The following RYR2 variants were observed in gnomAD, a reference collection of about 807,000 sequenced individuals.
RYR2 encodes the protein ryanodine receptor 2.
Under a neutral mutation model 601.1 loss-of-function variants are expected in RYR2, and 227 were observed. That is an observed-to-expected ratio of 0.38 (90% CI 0.34 to 0.42). RYR2 has a LOEUF of 0.42. Ranked by LOEUF, RYR2 falls within the 10% of genes least tolerant of loss-of-function variation. The probability of loss-of-function intolerance (pLI) is 1.00; values close to 1 mark genes in which losing one functional copy is unlikely to be tolerated. For synonymous variants in RYR2, 2,223 were observed against 2,175.1 expected (o/e 1.02, Z -0.61); for missense variants, 4,646 against 6,156.5 (o/e 0.75, Z 8.21).
At chr1:237,595,369 T>C (rs1369211905) in intron 33 of RYR2, 129 bp from the exon 34 acceptor site, 1 of 1,042,768 alleles carries the variant, frequency 9.6e-7, no homozygotes, top group Non-Finnish European at 1.4e-6. Context: ...ATCGGGCCTA[T>C]TGTGCACCTC....
intron 34 of RYR2, among the ~76,000 whole-genome samples, chr1:237,599,102 C>A (rs1361432682): frequency 6.6e-6 from 1 of 152,074 alleles, no homozygotes; most frequent in African/African-American, 2.4e-5. Context: ...AAAATCTGAG[C>A]AGATTAATAG....
At chr1:237,597,333 A>G (rs927741692) in intron 34 of RYR2, among the ~76,000 whole-genome samples, 3 of 149,830 alleles carry the variant, frequency 2.0e-5, no homozygotes, top group African/African-American at 7.4e-5. Flanking sequence ...CTCTGTTGCC[A>G]GGTAATGGTG....
chr1:237,308,720 G>A lies in RYR2; in HGVS notation c.169-22158G>A, dbSNP rs575327006. 6.6e-4 allele frequency among the ~76,000 whole-genome samples: 101 copies of A among 152,332 alleles called. No homozygotes were observed. The Middle Eastern group carries it at 0.01, about 15-fold the overall frequency. ...CATAAAAGCAGTGCAGACCCAAAGA[G>A]TGAGCAGCAGCAAGATTTACTGCAA... On this transcript the variant is annotated intron_variant, in intron 2 of 104. Transcript: ENST00000366574.
intron 1 of RYR2, among the ~76,000 whole-genome samples, chr1:237,204,673 G>T (rs996504800): frequency 6.6e-6 from 1 of 152,076 alleles, no homozygotes; most frequent in African/African-American, 2.4e-5. Context: ...CTTTATATTG[G>T]CGGGGTTTTA....
chr1:237,401,383 G>A (rs953750618), intron 10 of RYR2, among the ~76,000 whole-genome samples: 1 of 151,860 alleles, frequency 6.6e-6, no homozygotes, highest in Non-Finnish European at 1.5e-5. Context: ...GACCACTTGC[G>A]GTTCTGACCA....
At position 237,377,423 on chromosome 1, in the gene RYR2, T is replaced by G; in HGVS notation, c.564T>G (p.Ser188=). 2.5e-6 allele frequency: 4 copies of G among 1,613,194 alleles called. No individual in the cohort carries two copies. The highest frequency in any genetic ancestry group is 3.4e-6 in the Non-Finnish European group (4 of 1,179,220). The change falls in exon 8 of 105, where the codon TCT becomes TCG. Residue 188 remains serine (S), a synonymous_variant. Coordinates refer to ENST00000366574, the MANE Select transcript of RYR2 (RefSeq NM_001035.3). ...ACCTCATCTTAGTTAGCGTGTCCTC[T>G]GAAAGGTACTTGGTAAGTGTGGAAA... The part of the protein sequence containing the change: ...GDDLILVSVS[S]ERYLHLSYGN...
At chr1:237,452,590 C>A (rs937584184) in intron 14 of RYR2, among the ~76,000 whole-genome samples, 14 of 147,318 alleles carry the variant, frequency 9.5e-5, no homozygotes, top group Non-Finnish European at 3.0e-5. Context: ...TTTCATTTTT[C>A]TTCTGGATAT....
At chr1:237,289,825 G>T (rs1323267052) in intron 2 of RYR2, among the ~76,000 whole-genome samples, 1 of 152,132 alleles carries the variant, frequency 6.6e-6, no homozygotes, top group Non-Finnish European at 1.5e-5. Context: ...GATAAATTTG[G>T]TACAGAAGGA....
intron 57 of RYR2, among the ~76,000 whole-genome samples, chr1:237,667,144 C>T (rs1684397823): frequency 6.6e-6 from 1 of 152,092 alleles, no homozygotes; most frequent in Non-Finnish European, 1.5e-5. Context: ...CACCAAGGAA[C>T]CTACTTTGAA....
chr1:237,639,804 C>T (rs932186857), intron 46 of RYR2, among the ~76,000 whole-genome samples: 9 of 152,140 alleles, frequency 5.9e-5, no homozygotes, highest in African/African-American at 4.8e-5. Flanking sequence ...TGTCCTCCAG[C>T]GGGGTCATGC....
intron 31 of RYR2, 84 bp from the exon 32 acceptor site, chr1:237,591,655 G>A (rs1197195430): frequency 3.5e-6 from 4 of 1,142,254 alleles, no homozygotes; most frequent in East Asian, 5.1e-5. Flanking sequence ...CAGGTTTAAG[G>A]CAACTCAATT....
At chr1:237,273,743 C>A (rs1364844244) in intron 2 of RYR2, among the ~76,000 whole-genome samples, 1 of 150,768 alleles carries the variant, frequency 6.6e-6, no homozygotes, top group African/African-American at 2.4e-5. Flanking sequence ...GGTCATAGAA[C>A]TAAGAAATAG....
At chr1:237,203,169 CA>C (rs1262764459) in intron 1 of RYR2, among the ~76,000 whole-genome samples, 2 of 152,082 alleles carry the variant, frequency 1.3e-5, no homozygotes. Context: ...ACACCCCACC[CA>C]CCCACCAACA....
At chr1:237,295,918 T>A (rs917470183) in intron 2 of RYR2, among the ~76,000 whole-genome samples, 2 of 152,212 alleles carry the variant, frequency 1.3e-5, no homozygotes, top group Non-Finnish European at 2.9e-5. Context: ...GATATTTCAT[T>A]CTAGTAGATA....
chr1:237,144,384 G>A (rs1415695970), intron 1 of RYR2, among the ~76,000 whole-genome samples: 1 of 152,062 alleles, frequency 6.6e-6, no homozygotes, highest in Non-Finnish European at 1.5e-5. Context: ...ATGTCAGAAG[G>A]TAGTTTTGCA....
At chr1:237,592,039 A>G (rs1675261805) in intron 32 of RYR2, among the ~76,000 whole-genome samples, 186 bp downstream of exon 32, 1 of 152,198 alleles carries the variant, frequency 6.6e-6, no homozygotes, top group Non-Finnish European at 1.5e-5. Context: ...ATATTATGCA[A>G]TACAAGAGTT....
intron 17 of RYR2, among the ~76,000 whole-genome samples, chr1:237,475,666 C>T (rs6694024): frequency 0.46 from 70,046 of 151,536 alleles, 18,455 homozygotes; most frequent in East Asian, 0.7. Context: ...TTGTGGGATA[C>T]GGTGTGATGT....
intron 1 of RYR2, among the ~76,000 whole-genome samples, chr1:237,231,523 G>A (rs1438960584): frequency 2.0e-5 from 3 of 152,126 alleles, no homozygotes; most frequent in African/African-American, 7.2e-5. Flanking sequence ...TAGCAGTAGA[G>A]GGTAGACATG....
chr1:237,726,481 CCTAT>C (rs767854410), intron 75 of RYR2, among the ~76,000 whole-genome samples, 173 bp downstream of exon 75: 4 of 151,722 alleles, frequency 2.6e-5, no homozygotes, highest in Admixed American at 6.6e-5. Flanking sequence ...TATATTTGTC[CCTAT>C]CTAACAAAAT....
Sources: allele counts gnomAD v4.1 joint callset (sites outside exome capture counted in the v4.1 genomes callset), GRCh38; gene constraint gnomAD v4.1.1; transcripts MANE v1.5; gene names NCBI Gene and HGNC (gene_info 2026-07-23, HGNC 2026-07-21).